The following SGMS1 variants were observed in gnomAD, a reference collection of about 807,000 sequenced individuals.
The protein encoded by SGMS1 is sphingomyelin synthase 1.
SGMS1 carries 13 observed loss-of-function variants against 46.2 expected under a neutral mutation model. That is an observed-to-expected ratio of 0.28 (90% CI 0.18 to 0.45). The LOEUF is 0.45. Ranked by LOEUF, SGMS1 falls within the 20% of genes least tolerant of loss-of-function variation. SGMS1 has a pLI of 1.00. For missense variants in SGMS1, 324 were observed against 519.9 expected (o/e 0.62, Z 3.66); for synonymous variants, 203 against 187.8 (o/e 1.08, Z -0.66).
chr10:50,494,269 C>G (rs577050736), intron 3 of SGMS1, among the ~76,000 whole-genome samples: 31 of 152,250 alleles, frequency 2.0e-4, no homozygotes, highest in African/African-American at 7.2e-4. Flanking sequence ...CCAGCCATTC[C>G]AATACTGGGT....
At position 50,307,020 on chromosome 10, in the gene SGMS1, G is replaced by T; in HGVS notation, c.*122C>A. ...ACAGTGCTGACCAGGTAACTCAATA[G>T]GTTAAGTCAAGGTAACCATTGAAAG... On this transcript the variant is annotated 3_prime_UTR_variant, in exon 11 of 11. Coordinates refer to ENST00000361781, the MANE Select transcript of SGMS1 (RefSeq NM_147156.4). The surrounding 1 kb of genome is among the most constrained non-coding windows in gnomAD (Gnocchi z 4.2). 1 of 987,316 alleles carries T rather than the reference G, an allele frequency of 1.0e-6. No homozygotes were observed. The highest frequency in any genetic ancestry group is 1.5e-6 in the Non-Finnish European group (1 of 684,054). The allele number at this position is 987,316 out of a possible 1,614,324, so 61.2% of individuals were successfully genotyped here.
At chr10:50,344,696 T>C (rs988501983) in intron 6 of SGMS1, among the ~76,000 whole-genome samples, 4 of 151,856 alleles carry the variant, frequency 2.6e-5, no homozygotes, top group Non-Finnish European at 4.4e-5. Context: ...GGTGAAACCC[T>C]GTCTCTACTA....
rs1007899351 is a variant in SGMS1 at position 50,306,007 on chromosome 10, A to G, written c.*1135T>C. The G allele has an allele frequency of 1.3e-5, 2 of 152,734 alleles. No individual in the cohort carries two copies. The highest frequency in any genetic ancestry group is 4.8e-5 in the African/African-American group (2 of 41,472). 9.5% of individuals were successfully genotyped at this position (152,734 alleles called of 1,614,324 possible). On this transcript the variant is annotated 3_prime_UTR_variant, in exon 11 of 11. Coordinates refer to ENST00000361781, the MANE Select transcript of SGMS1 (RefSeq NM_147156.4). Reference sequence around the variant, plus strand: ...ATAGATCTCTTTTTTGTTGTTCACCAACAAAATTGTCATGAGAGTATGGAT... The same window carrying G: ...ATAGATCTCTTTTTTGTTGTTCACCGACAAAATTGTCATGAGAGTATGGAT...
At chr10:50,424,354 T>G (rs905781185) in intron 6 of SGMS1, among the ~76,000 whole-genome samples, 5 of 152,234 alleles carry the variant, frequency 3.3e-5, no homozygotes, top group African/African-American at 1.2e-4. Context: ...TGTACTTACA[T>G]GAAGATCATT....
intron 3 of SGMS1, among the ~76,000 whole-genome samples, chr10:50,486,626 T>G (rs941856552): frequency 2.0e-5 from 3 of 152,152 alleles, no homozygotes; most frequent in African/African-American, 7.2e-5. Context: ...CTCACACCAG[T>G]CAGAATGGCA....
At chr10:50,507,814 G>A (rs144509629) in intron 3 of SGMS1, among the ~76,000 whole-genome samples, 8 of 152,334 alleles carry the variant, frequency 5.3e-5, no homozygotes, top group African/African-American at 1.7e-4. Context: ...GAAGTCCCCA[G>A]ATGGCTTCAT....
Position 50,341,365 on chromosome 10 carries a change from C to G in SGMS1, c.623+2127G>C. On this transcript the variant is annotated intron_variant, in intron 7 of 10. Transcript: ENST00000361781. ...AGAGAGACAGGAAACCAGCGATGGA[C>G]CCCAGTAGAAGGACAGGGTGGACGA... 4 of 455,952 alleles carry G rather than the reference C, an allele frequency of 8.8e-6. 1 individual carries two copies. Among genetic ancestry groups the G allele is most frequent in the South Asian group, 6.2e-5 (4 of 64,558 alleles). 28.2% of individuals were successfully genotyped at this position (455,952 alleles called of 1,614,324 possible).
chr10:50,336,697 G>A (rs781639163), intron 7 of SGMS1, among the ~76,000 whole-genome samples: 30 of 152,236 alleles, frequency 2.0e-4, no homozygotes, highest in Non-Finnish European at 3.2e-4. Context: ...TATAATACCA[G>A]GAAATTTATA....
At chr10:50,477,427 G>A (rs374618308) in intron 3 of SGMS1, among the ~76,000 whole-genome samples, 2 of 152,216 alleles carry the variant, frequency 1.3e-5, no homozygotes, top group African/African-American at 2.4e-5. Flanking sequence ...AGGCTCATAG[G>A]TGAAAGGGAC....
At chr10:50,493,567 C>A (rs1564927630) in intron 3 of SGMS1, among the ~76,000 whole-genome samples, 1 of 152,060 alleles carries the variant, frequency 6.6e-6, no homozygotes, top group Non-Finnish European at 1.5e-5. Context: ...GCAAACTATG[C>A]ATCTGACAAA....
At chr10:50,360,771 AC>A (rs1413686089) in intron 6 of SGMS1, among the ~76,000 whole-genome samples, 11 of 152,276 alleles carry the variant, frequency 7.2e-5, no homozygotes, top group African/African-American at 2.6e-4. Flanking sequence ...TTTCTATCAC[AC>A]AACACTCACT....
In SGMS1 at chr10:50,306,843, C is replaced by T. The variant is rs1199996483; in HGVS notation, c.*299G>A. 1.7e-5 allele frequency: 4 copies of T among 239,320 alleles called. No individual in the cohort carries two copies. The highest frequency in any genetic ancestry group is 2.2e-5 in the African/African-American group (1 of 44,768). 14.8% of individuals were successfully genotyped at this position (239,320 alleles called of 1,614,324 possible). A position where few individuals can be genotyped will look rare whatever the true frequency, so the allele number is the denominator to read the frequency against. On this transcript the variant is annotated 3_prime_UTR_variant, in exon 11 of 11. Coordinates refer to ENST00000361781, the MANE Select transcript of SGMS1 (RefSeq NM_147156.4). The stretch of plus-strand genomic sequence containing the variant: ...CCAGAACTTATGATATAAAAGCTTA[C>T]ATTTATGCTGCTGCATCATATACAA...
chr10:50,367,955 G>A (rs1016595669), intron 6 of SGMS1, among the ~76,000 whole-genome samples: 1 of 152,186 alleles, frequency 6.6e-6, no homozygotes, highest in African/African-American at 2.4e-5. Context: ...AGGGGGCAAC[G>A]CAAAGTCTGT....
rs549227436 is a variant in SGMS1 at position 50,619,097 on chromosome 10, C to A, written c.-684+4610G>T. Among the ~76,000 whole-genome samples the A allele has an allele frequency of 1.1e-4, 16 of 150,224 alleles. No homozygotes were observed. In the South Asian group the frequency reaches 2.3e-3, roughly 21 times the overall value. ...GCAGTGAGCCAAGATCATGCCACTG[C>A]ACACCTGCCTGGGCGACAGACCGAG... is the stretch of plus-strand genomic sequence containing the variant. On this transcript the variant is annotated intron_variant, in intron 1 of 10. Coordinates refer to ENST00000361781, the MANE Select transcript of SGMS1 (RefSeq NM_147156.4).
intron 3 of SGMS1, among the ~76,000 whole-genome samples, chr10:50,480,543 G>C (rs1028551771): frequency 6.6e-6 from 1 of 152,132 alleles, no homozygotes; most frequent in African/African-American, 2.4e-5. Flanking sequence ...AGGGCAAGGG[G>C]AACTCCCAAC....
intron 6 of SGMS1, among the ~76,000 whole-genome samples, chr10:50,346,751 A>G (rs1447072252): frequency 6.6e-6 from 1 of 152,018 alleles, no homozygotes; most frequent in Non-Finnish European, 1.5e-5. Flanking sequence ...CCCAGGCTGG[A>G]GTGCTGTGGT....
rs1041001899 is a variant in SGMS1 at position 50,433,976 on chromosome 10, T to C, written c.-312-420A>G. Among the ~76,000 whole-genome samples the C allele has an allele frequency of 3.9e-5, 6 of 152,336 alleles. No homozygotes were observed. The East Asian group carries it at 1.2e-3, about 29-fold the overall frequency. ...GAGACACCAAATGATTTCTTGGCCC[T>C]GCTCTGAGCCAGGCAACAAAGGCCT... On this transcript the variant is annotated intron_variant, in intron 5 of 10. Coordinates refer to ENST00000361781, the MANE Select transcript of SGMS1 (RefSeq NM_147156.4).
chr10:50,515,373 A>C (rs1338788119), intron 3 of SGMS1, among the ~76,000 whole-genome samples: 2 of 152,194 alleles, frequency 1.3e-5, no homozygotes, highest in East Asian at 1.9e-4. Context: ...CCAGAATCCA[A>C]CTTCACTGTG....
At chr10:50,442,874 T>G (rs1849563272) in intron 5 of SGMS1, among the ~76,000 whole-genome samples, 1 of 152,218 alleles carries the variant, frequency 6.6e-6, no homozygotes, top group South Asian at 2.1e-4. Context: ...TTTAATTAGA[T>G]CCCATTTGTC....
Sources: gnomAD v4.1 joint callset for allele counts (sites outside exome capture counted in the v4.1 genomes callset) on GRCh38, gnomAD v4.1.1 for gene constraint, Gnocchi (gnomAD v3.1) non-coding constraint, MANE v1.5 for transcripts, NCBI Gene and HGNC (gene_info 2026-07-23, HGNC 2026-07-21) for gene names.